The following SUPT20H variants were observed in gnomAD, a reference collection of about 807,000 sequenced individuals.
The protein encoded by SUPT20H is SPT20 homolog, SAGA complex component.
SUPT20H carries 82 observed loss-of-function variants against 122.8 expected under a neutral mutation model. That is an observed-to-expected ratio of 0.67 (90% confidence interval 0.56 to 0.80). The LOEUF is 0.80. SUPT20H is among the 30% of genes least tolerant of loss of function. The pLI, the probability that SUPT20H is intolerant of heterozygous loss-of-function variation, is 0.00. For synonymous variants in SUPT20H, 291 were observed against 313.0 expected, an observed-to-expected ratio of 0.93 and a Z score of 0.74; for missense variants, 831 against 921.6, an observed-to-expected ratio of 0.90 and a Z score of 1.27.
rs538133378 is a variant in SUPT20H, at chr13:37,055,852, G to T, written c.-94+3707C>A. Among the ~76,000 whole-genome samples, 142 of 151,968 alleles carry T rather than the reference G, an allele frequency of 9.3e-4. 1 individual carries two copies. Among genetic ancestry groups the T allele is most frequent in the Admixed American group, 3.9e-3 (59 of 15,198 alleles). On this transcript the variant is annotated intron_variant, in intron 1 of 25. Coordinates refer to ENST00000350612, the MANE Select transcript of SUPT20H (RefSeq NM_001014286.3). The stretch of plus-strand genomic sequence containing the variant: ...GGCAACCTACAGAATGGGAGAAAAT[G>T]TTTGCAATCTACTCATCTGACAAAG...
chr13:37,012,442 G>A lies in SUPT20H; in HGVS notation c.1993-145C>T, dbSNP rs2139044384. 4 of 535,174 alleles carry A rather than the reference G, an allele frequency of 7.5e-6. No individual in the cohort carries two copies. In the East Asian group the frequency reaches 1.2e-4, roughly 16 times the overall value. 33.2% of individuals were successfully genotyped at this position (535,174 alleles called of 1,614,324 possible). A position where few individuals can be genotyped will look rare whatever the true frequency, so the allele number is the denominator to read the frequency against. ...GAATAACAAGGAAAATACTTCAAAG[G>A]TATTTAGAATAAGCAAGAATAAATT... is the stretch of plus-strand genomic sequence containing the variant. On this transcript the variant is annotated intron_variant, in intron 23 of 25. Coordinates refer to ENST00000350612, the MANE Select transcript of SUPT20H (RefSeq NM_001014286.3).
intron 5 of SUPT20H, 59 bp from the exon 6 acceptor site, chr13:37,045,432 G>A: frequency 6.3e-7 from 1 of 1,578,374 alleles, no homozygotes; most frequent in East Asian, 2.3e-5. Context: ...AACAAATAAT[G>A]CTATGATTTA....
intron 1 of SUPT20H, among the ~76,000 whole-genome samples, chr13:37,054,556 A>G (rs1293025712): frequency 6.6e-6 from 1 of 152,242 alleles, no homozygotes; most frequent in African/African-American, 2.4e-5. Context: ...GCCTTTGACG[A>G]AATTCAACAA....
intron 1 of SUPT20H, among the ~76,000 whole-genome samples, chr13:37,055,857 CA>C (rs2068849274): frequency 7.2e-5 from 11 of 152,070 alleles, no homozygotes; most frequent in Admixed American, 6.6e-4. Flanking sequence ...AAAATGTTTG[CA>C]ATCTACTCAT....
Position 37,024,119 on chromosome 13 carries a change from T to G in SUPT20H, c.1507A>C (p.Ser503Arg), listed in dbSNP as rs201078985. The G allele has an allele frequency of 6.2e-7, 1 of 1,613,918 alleles. No homozygotes were observed. The highest frequency in any genetic ancestry group is 8.5e-7 in the Non-Finnish European group (1 of 1,179,874). ...TCCACAGATGATTTCCGAGGAATAC[T>G]TGATGGCTTAGAAGAAGGAGGAGGA... ...PTPPPSSKPSSIPRKSSVDLN... is the reference protein window; with the variant it reads ...PTPPPSSKPSRIPRKSSVDLN... Residue 503 changes from serine (S) to arginine (R), a missense_variant, in exon 19 of 26, where the codon AGT (serine) becomes CGT (arginine). Coordinates refer to ENST00000350612, the MANE Select transcript of SUPT20H (RefSeq NM_001014286.3).
rs562850359 is a variant in SUPT20H, at chr13:37,031,618, T to G, written c.870A>C (p.Val290=). The part of the protein sequence containing the change: ...DLKISKAGNC[V]DMWKRSPCNL... Reference sequence around the variant, plus strand: ...TACAGGGACTCCGTTTCCACATATCTACACACTGAAAAATTAAAAACAATA... The same window carrying G: ...TACAGGGACTCCGTTTCCACATATCGACACACTGAAAAATTAAAAACAATA... Residue 290 remains valine, a synonymous_variant, in exon 12 of 26, where the codon GTA becomes GTC. Transcript: ENST00000350612. 1.2e-4 allele frequency: 185 copies of G among 1,567,758 alleles called. No individual in the cohort carries two copies. The South Asian group carries it at 2.2e-3, about 18-fold the overall frequency.
In SUPT20H at chr13:37,009,361, C is replaced by A; in HGVS notation, c.*311G>T. Reference sequence around the variant, plus strand: ...TGTATTTGTTAACACTGTGCACAAACGTTTTATACTAAATAAATATCAAAC... The same window carrying A: ...TGTATTTGTTAACACTGTGCACAAAAGTTTTATACTAAATAAATATCAAAC... On this transcript the variant is annotated 3_prime_UTR_variant, in exon 26 of 26. Coordinates refer to ENST00000350612, the MANE Select transcript of SUPT20H (RefSeq NM_001014286.3). 1 of 902,158 alleles carries A rather than the reference C, an allele frequency of 1.1e-6. No individual in the cohort carries two copies. The highest frequency in any genetic ancestry group is 1.8e-6 in the Non-Finnish European group (1 of 569,320). 55.9% of individuals were successfully genotyped at this position (902,158 alleles called of 1,614,324 possible). A position where few individuals can be genotyped will look rare whatever the true frequency, so the allele number is the denominator to read the frequency against.
In SUPT20H at chr13:37,021,582, C is replaced by G; in HGVS notation, c.1682G>C (p.Ser561Thr). ...GSVCGAQALM[S>T]GSNPMLGCNT... ...ACAGCCCAGCATGGGGTTTGAACCA[C>G]TCATCAAAGCCTGGGCCCCACTGCA... The change falls in exon 21 of 26, where the codon AGT (serine) becomes ACT (threonine). Residue 561 changes from serine to threonine, a missense_variant. By Grantham distance (58) the Ser-to-Thr change is moderately conservative (BLOSUM62 1). Transcript: ENST00000350612. The G allele has an allele frequency of 6.2e-7, 1 of 1,613,014 alleles. No individual in the cohort carries two copies. Among genetic ancestry groups the G allele is most frequent in the East Asian group, 2.2e-5 (1 of 44,844 alleles).
chr13:37,037,300 G>T (rs924508630), intron 9 of SUPT20H, among the ~76,000 whole-genome samples: 1 of 152,058 alleles, frequency 6.6e-6, no homozygotes, highest in Non-Finnish European at 1.5e-5. Flanking sequence ...GACTGCACAA[G>T]GGCCACTGCC....
In SUPT20H at chr13:37,033,560, A is replaced by G; in HGVS notation, c.596T>C (p.Leu199Pro). Residue 199 changes from leucine to proline, a missense_variant, in exon 10 of 26, where the codon CTC becomes CCC. Coordinates refer to ENST00000350612, the MANE Select transcript of SUPT20H (RefSeq NM_001014286.3). The stretch of plus-strand genomic sequence containing the variant: ...GAGTGGTTCAGCTGTAGCTAGGATG[A>G]GCTGGCTCTCAAGCAAAAGTTTGTC... ...QEDKLLLESQ[L>P]ILATAEPLCL... 1 of 1,613,388 alleles carries G rather than the reference A, an allele frequency of 6.2e-7. No homozygotes were observed.
chr13:37,055,462 A>G (rs2068734413), intron 1 of SUPT20H, among the ~76,000 whole-genome samples: 1 of 152,318 alleles, frequency 6.6e-6, no homozygotes, highest in South Asian at 2.1e-4. Flanking sequence ...AAATAATGCC[A>G]CATATCTACA....
intron 9 of SUPT20H, among the ~76,000 whole-genome samples, chr13:37,037,250 G>C (rs1278966189): frequency 6.6e-6 from 1 of 151,436 alleles, no homozygotes; most frequent in Non-Finnish European, 1.5e-5. Flanking sequence ...GGTATTAGTA[G>C]TTAAGTATTA....
rs372454411 is a variant in SUPT20H, at chr13:37,047,594, C to G, written c.106G>C (p.Val36Leu). The G allele has an allele frequency of 1.1e-4, 155 of 1,404,390 alleles. 1 individual carries two copies. The African/African-American group carries it at 2.2e-3, about 20-fold the overall frequency. 87.0% of individuals were successfully genotyped at this position (1,404,390 alleles called of 1,614,324 possible). Residue 36 changes from valine to leucine, a missense_variant, in exon 5 of 26, where the codon GTA becomes CTA. Physicochemically the swap from Val to Leu is conservative, Grantham distance 32. Transcript: ENST00000350612. Reference protein sequence around the residue: ...RKYLSSGRKSVFQKLYDLYIE... With the variant: ...RKYLSSGRKSLFQKLYDLYIE... ...TACAAGTCATAAAGTTTTTGAAATA[C>G]AGATTTTCTAAAAAAATTTAATGAA...
intron 13 of SUPT20H, 111 bp from the exon 14 acceptor site, chr13:37,028,416 A>G: frequency 1.0e-6 from 1 of 955,228 alleles, no homozygotes; most frequent in Non-Finnish European, 1.5e-6. Flanking sequence ...CGATAGGAAG[A>G]CACACAGCAC....
intron 2 of SUPT20H, among the ~76,000 whole-genome samples, chr13:37,049,519 C>A (rs1298790365): frequency 1.3e-5 from 2 of 152,094 alleles, no homozygotes; most frequent in African/African-American, 4.8e-5. Context: ...GCGGGAGGAT[C>A]ACCTGAGGTA....
At chr13:37,044,297 G>A in intron 6 of SUPT20H, 116 bp from the exon 7 acceptor site, 1 of 674,322 alleles carries the variant, frequency 1.5e-6, no homozygotes, top group Non-Finnish European at 2.3e-6. Context: ...TTTCAACCAA[G>A]CAAGGATCAA....
chr13:37,056,265 G>A (rs2069001312), intron 1 of SUPT20H, among the ~76,000 whole-genome samples: 2 of 152,164 alleles, frequency 1.3e-5, no homozygotes, highest in African/African-American at 2.4e-5. Context: ...CCATTACTGG[G>A]TATATACCCA....
chr13:37,047,188 C>T (rs1362108475), intron 5 of SUPT20H: 2 of 158,034 alleles, frequency 1.3e-5, no homozygotes, highest in African/African-American at 2.4e-5. Flanking sequence ...CAGGTTACTG[C>T]TATAAATCTG....
chr13:37,058,174 G>A (rs2069649371), intron 1 of SUPT20H, among the ~76,000 whole-genome samples: 1 of 151,992 alleles, frequency 6.6e-6, no homozygotes, highest in Admixed American at 6.5e-5. Context: ...GCTGAGGCAG[G>A]AGAATGGCTT....
Sources: allele counts gnomAD v4.1 joint callset (sites outside exome capture counted in the v4.1 genomes callset), GRCh38; gene constraint gnomAD v4.1.1; transcripts MANE v1.5; gene names NCBI Gene and HGNC (gene_info 2026-07-23, HGNC 2026-07-21).